The following A2M variants were observed in gnomAD, a reference collection of about 807,000 sequenced individuals.
A2M encodes alpha-2-macroglobulin, also known as C3 and PZP-like alpha-2-macroglobulin domain-containing protein 5.
A neutral mutation model predicts 183.9 loss-of-function variants in A2M; 128 were observed. The ratio of observed to expected loss-of-function variants is 0.70; its 90% CI spans 0.60 to 0.81. The LOEUF (loss-of-function observed/expected upper bound fraction) is 0.81. Ranked by LOEUF, A2M falls within the 30% of genes least tolerant of loss-of-function variation. A2M has a pLI of 0.00. For missense variants in A2M, 1,495 were observed against 1,787.6 expected (o/e 0.84, Z 2.95); for synonymous variants, 592 against 670.8 (o/e 0.88, Z 1.81).
Position 9,101,428 on chromosome 12 carries a change from C to T in A2M, c.1494+19G>A, listed in dbSNP as rs200877345. ...GCTTTTGTCTACAGTGAAGTCAACG[C>T]AGTAACCTCCCTTCTCACCAGATAA... On this transcript the variant is annotated intron_variant, in intron 12 of 35. Coordinates refer to ENST00000318602, the MANE Select transcript of A2M (RefSeq NM_000014.6). The T allele has an allele frequency of 1.5e-4, 245 of 1,599,128 alleles. No individual in the cohort carries two copies. Among genetic ancestry groups the T allele is most frequent in the Admixed American group, 2.9e-4 (17 of 59,536 alleles).
intron 28 of A2M, among the ~76,000 whole-genome samples, chr12:9,075,757 T>G (rs753129579): frequency 6.2e-4 from 94 of 152,250 alleles, no homozygotes; most frequent in African/African-American, 2.0e-3. Context: ...TATAAGGAAA[T>G]CCATGGAATT....
chr12:9,098,073 AT>A lies in A2M; in HGVS notation c.1851+533del, dbSNP rs1399138958. Among the ~76,000 whole-genome samples, 5 of 152,312 alleles carry A rather than the reference AT, an allele frequency of 3.3e-5. No homozygotes were observed. The South Asian group carries it at 6.2e-4, about 19-fold the overall frequency. The stretch of plus-strand genomic sequence containing the variant: ...ATTACTGGTTGCATGGAGCTCTGGG[AT>A]TTTAAGGACTTTGGGTACTGTATGG... On this transcript the variant is annotated intron_variant, in intron 15 of 35. Transcript: ENST00000318602.
Position 9,113,477 on chromosome 12 carries a change from C to T in A2M, c.153G>A (p.Leu51=). 4.3e-6 allele frequency: 7 copies of T among 1,613,812 alleles called. No homozygotes were observed. The highest frequency in any genetic ancestry group is 5.1e-6 in the Non-Finnish European group (6 of 1,179,922). Residue 51 remains leucine, a synonymous_variant, in exon 2 of 36, where the codon CTG becomes CTA. Transcript: ENST00000318602. Reference sequence around the variant, plus strand: ...CAGTCACTGTCTCATTCAGGTAGCTCAGAAGGACACAGCCCTTCTCAGTGG... The same window carrying T: ...CAGTCACTGTCTCATTCAGGTAGCTTAGAAGGACACAGCCCTTCTCAGTGG... ...TETTEKGCVL[L]SYLNETVTVS... is the part of the protein sequence containing the mutation.
At chr12:9,115,441 A>G (rs2138006476) in intron 1 of A2M, 1 of 192,894 alleles carries the variant, frequency 5.2e-6, no homozygotes, top group African/African-American at 2.4e-5. Context: ...TGGACCCTTG[A>G]GAAAGAGGAA....
intron 22 of A2M, among the ~76,000 whole-genome samples, chr12:9,081,426 A>G (rs969385875): frequency 3.9e-5 from 6 of 152,220 alleles, no homozygotes; most frequent in African/African-American, 1.4e-4. Flanking sequence ...TTGTAGTTCA[A>G]TTAAAATTCA....
chr12:9,081,723 CA>C (rs1381708732), intron 22 of A2M, among the ~76,000 whole-genome samples: 5 of 152,142 alleles, frequency 3.3e-5, no homozygotes, highest in African/African-American at 1.2e-4. Context: ...GGAAGAGAAC[CA>C]GGGGTAGACA....
chr12:9,102,090 T>C (rs1937901871), intron 11 of A2M, among the ~76,000 whole-genome samples: 1 of 152,164 alleles, frequency 6.6e-6, no homozygotes, highest in Non-Finnish European at 1.5e-5. Context: ...TGAATGGGTA[T>C]TATGAATAAA....
At chr12:9,082,619 A>T (rs922531331) in intron 22 of A2M, among the ~76,000 whole-genome samples, 1 of 152,224 alleles carries the variant, frequency 6.6e-6, no homozygotes, top group African/African-American at 2.4e-5. Flanking sequence ...CAAATGCACA[A>T]ATAATGCAAG....
At position 9,089,182 on chromosome 12, in the gene A2M, A is replaced by T. The variant is rs777218323; in HGVS notation, c.2770+18T>A. 14 of 1,551,422 alleles carry T rather than the reference A, an allele frequency of 9.0e-6. No individual in the cohort carries two copies. In the African/African-American group the frequency reaches 1.4e-4, roughly 15 times the overall value. The stretch of plus-strand genomic sequence containing the variant: ...GTTAGACTTTAATGTTTTTTAAATT[A>T]TGATGGTTGACTCTTACCTGATGGA... On this transcript the variant is annotated intron_variant, in intron 22 of 35. Transcript: ENST00000318602.
chr12:9,068,959 A>G, intron 33 of A2M, 117 bp from the exon 34 acceptor site: 7 of 623,930 alleles, frequency 1.1e-5, no homozygotes, highest in Non-Finnish European at 1.6e-5. Flanking sequence ...AGCACACTAT[A>G]GGGTCCTTAA....
intron 22 of A2M, among the ~76,000 whole-genome samples, chr12:9,082,991 C>A (rs1948950473): frequency 6.6e-6 from 1 of 152,204 alleles, no homozygotes; most frequent in African/African-American, 2.4e-5. Flanking sequence ...GAGGAATCGC[C>A]ACATTGACTT....
Position 9,072,874 on chromosome 12 carries a change from G to C in A2M, c.3757-3C>G, listed in dbSNP as rs1483892740. 6.2e-7 allele frequency: 1 copy of C among 1,611,750 alleles called. No homozygotes were observed. The highest frequency in any genetic ancestry group is 8.5e-7 in the Non-Finnish European group (1 of 1,178,262). On this transcript the variant is annotated splice_polypyrimidine_tract_variant and splice_region_variant and intron_variant, in intron 29 of 35. Coordinates refer to ENST00000318602, the MANE Select transcript of A2M (RefSeq NM_000014.6). ...GCATGGAGAGCCACCACTGTGTCCT[G>C]TTAGAGACAGATGAGTGAGAGAACC... is the stretch of plus-strand genomic sequence containing the variant.
At chr12:9,097,992 A>C (rs1425069938) in intron 15 of A2M, among the ~76,000 whole-genome samples, 1 of 152,214 alleles carries the variant, frequency 6.6e-6, no homozygotes, top group Non-Finnish European at 1.5e-5. Context: ...CAGTGCAGGT[A>C]TATGTATCAC....
At position 9,111,273 on chromosome 12, in the gene A2M, G is replaced by A. The variant is rs146706234; in HGVS notation, c.483+886C>T. Among the ~76,000 whole-genome samples, 180 of 152,222 alleles carry A rather than the reference G, an allele frequency of 1.2e-3. 1 individual carries two copies. Among genetic ancestry groups the A allele is most frequent in the African/African-American group, 4.3e-3 (178 of 41,552 alleles). ...GAACAATAAACCATGTTTTAATGGA[G>A]CTTATGTTATAATAGAAATAGGCAG... On this transcript the variant is annotated intron_variant, in intron 4 of 35. Transcript: ENST00000318602.
At chr12:9,111,412 G>A in intron 4 of A2M, 1 of 407,660 alleles carries the variant, frequency 2.5e-6, no homozygotes, top group Non-Finnish European at 4.9e-6. Context: ...AGGAGTGAAA[G>A]TAGAAGCTGG....
rs1211345131 is a variant in A2M at position 9,106,623 on chromosome 12, A to G, written c.880-18T>C. The G allele has an allele frequency of 7.6e-7, 1 of 1,309,360 alleles. No individual in the cohort carries two copies. The highest frequency in any genetic ancestry group is 1.1e-6 in the Non-Finnish European group (1 of 926,376). 81.1% of individuals were successfully genotyped at this position (1,309,360 alleles called of 1,614,324 possible). A position where few individuals can be genotyped will look rare whatever the true frequency, so the allele number is the denominator to read the frequency against. On this transcript the variant is annotated intron_variant, in intron 8 of 35. Transcript: ENST00000318602. Reference sequence around the variant, plus strand: ...CTGTTTAGCTAAGAAGGGAGAAAATAAAATACAAAAATATAATGCATATTA... The same window carrying G: ...CTGTTTAGCTAAGAAGGGAGAAAATGAAATACAAAAATATAATGCATATTA...
chr12:9,110,324 A>C lies in A2M; in HGVS notation c.494T>G (p.Val165Gly). 6.9e-7 allele frequency: 1 copy of C among 1,451,882 alleles called. No individual in the cohort carries two copies. Among genetic ancestry groups the C allele is most frequent in the East Asian group, 2.5e-5 (1 of 39,802 alleles). 89.9% of individuals were successfully genotyped at this position (1,451,882 alleles called of 1,614,324 possible). Residue 165 changes from valine to glycine, a missense_variant, in exon 5 of 36, where the codon GTA (valine) becomes GGA (glycine). By Grantham distance (109) the Val-to-Gly change is moderately radical. Transcript: ENST00000318602. ...FHPLNELIPL[V>G]YIQDPKGNRI... ...TTTCATGTTGCTTACCTGAATGTATACTAGTGGAATCTGAAAGACAAAAGA... is the reference window on the plus strand; with the variant it reads ...TTTCATGTTGCTTACCTGAATGTATCCTAGTGGAATCTGAAAGACAAAAGA...
intron 2 of A2M, among the ~76,000 whole-genome samples, chr12:9,112,963 G>A (rs2137986157): frequency 6.6e-6 from 1 of 152,114 alleles, no homozygotes; most frequent in Non-Finnish European, 1.5e-5. Context: ...CTTTGCTCAG[G>A]GTAATTTCTA....
chr12:9,110,860 G>A (rs1938673014), intron 4 of A2M, among the ~76,000 whole-genome samples: 1 of 151,848 alleles, frequency 6.6e-6, no homozygotes, highest in African/African-American at 2.4e-5. Context: ...GAACTTACTA[G>A]GCCTTCAGCA....
Sources: gnomAD v4.1 joint callset for allele counts (sites outside exome capture counted in the v4.1 genomes callset) on GRCh38, gnomAD v4.1.1 for gene constraint, MANE v1.5 for transcripts, NCBI Gene and HGNC (gene_info 2026-07-23, HGNC 2026-07-21) for gene names.